PRELID2: variants seen among roughly 807,000 people sequenced by gnomAD.
PRELID2 encodes PRELI domain containing 2.
Under a neutral mutation model 28.4 loss-of-function variants are expected in PRELID2, and 25 were observed. The observed-to-expected ratio is 0.88, with a 90% CI of 0.64 to 1.23. The LOEUF (loss-of-function observed/expected upper bound fraction) is 1.23, where lower values mean the gene tolerates loss of function less well. Ranked by LOEUF, PRELID2 falls within the 50% of genes most tolerant of loss-of-function variation. The pLI is 0.00. For missense variants in PRELID2, 201 were observed against 214.4 expected (o/e 0.94, Z 0.39); for synonymous variants, 76 against 71.6 (o/e 1.06, Z -0.31).
the PRELID2 span, among the ~76,000 whole-genome samples, chr5:145,424,481 T>A: frequency 2.6e-5 from 4 of 152,184 alleles, no homozygotes; most frequent in African/African-American, 7.2e-5. Context: ...AGTATTCGGG[T>A]GGGAGTGACC....
At chr5:145,820,320 A>G (rs1042820451) in intron 2 of PRELID2, among the ~76,000 whole-genome samples, 5 of 152,138 alleles carry the variant, frequency 3.3e-5, no homozygotes, top group Non-Finnish European at 5.9e-5. Flanking sequence ...GACACTTTTC[A>G]GGGCCGAATC....
At chr5:145,567,667 C>T (rs1752979544) in intron 1 of PRELID2, among the ~76,000 whole-genome samples, 1 of 152,092 alleles carries the variant, frequency 6.6e-6, no homozygotes, top group South Asian at 2.1e-4. Context: ...TGTGAGCCAC[C>T]AAGCCCAGCT....
the PRELID2 span, among the ~76,000 whole-genome samples, chr5:145,460,225 C>T: frequency 6.6e-6 from 1 of 152,302 alleles, no homozygotes; most frequent in East Asian, 1.9e-4. Flanking sequence ...CCTGGCCATA[C>T]GTTTCAGGTT....
intron 5 of PRELID2, among the ~76,000 whole-genome samples, chr5:145,776,851 GTAT>G (rs1758440827): frequency 1.3e-5 from 2 of 152,192 alleles, no homozygotes; most frequent in Non-Finnish European, 2.9e-5. Context: ...ATCCCTGCAT[GTAT>G]TATTATCTCC....
At chr5:145,452,127 T>A in the PRELID2 span, among the ~76,000 whole-genome samples, 14 of 152,180 alleles carry the variant, frequency 9.2e-5, no homozygotes, top group Non-Finnish European at 2.9e-5. Flanking sequence ...TTCTATGTGG[T>A]CTCCTGACTC....
the PRELID2 span, among the ~76,000 whole-genome samples, chr5:145,247,231 A>T: frequency 6.6e-6 from 1 of 151,860 alleles, no homozygotes; most frequent in East Asian, 1.9e-4. Flanking sequence ...ACCAATCATC[A>T]CTCCTCAATT....
chr5:145,385,508 T>G, the PRELID2 span, among the ~76,000 whole-genome samples: 1 of 151,846 alleles, frequency 6.6e-6, no homozygotes, highest in Non-Finnish European at 1.5e-5. Context: ...AACTGACCAC[T>G]CTGTCTGATA....
chr5:145,229,282 G>T, the PRELID2 span: 1 of 753,398 alleles, frequency 1.3e-6, no homozygotes. Context: ...ACTGGTTCAA[G>T]GGCCGCAGTG....
intron 1 of PRELID2, among the ~76,000 whole-genome samples, chr5:145,575,180 G>A (rs749214953): frequency 3.3e-5 from 5 of 152,070 alleles, no homozygotes; most frequent in Non-Finnish European, 5.9e-5. Flanking sequence ...TTCCAGAATC[G>A]GGGTTTGTCT....
At chr5:145,634,697 T>C (rs1753977275) in intron 1 of PRELID2, among the ~76,000 whole-genome samples, 1 of 152,158 alleles carries the variant, frequency 6.6e-6, no homozygotes, top group Non-Finnish European at 1.5e-5. Flanking sequence ...GAATCACTTA[T>C]GTAATAGTCT....
intron 1 of PRELID2, among the ~76,000 whole-genome samples, chr5:145,511,569 T>C (rs781186522): frequency 2.6e-5 from 4 of 152,318 alleles, no homozygotes; most frequent in Non-Finnish European, 4.4e-5. Context: ...TAGGCAGCTA[T>C]GGCCATTCAT....
At chr5:145,269,566 C>T in the PRELID2 span, among the ~76,000 whole-genome samples, 1 of 151,668 alleles carries the variant, frequency 6.6e-6, no homozygotes. Flanking sequence ...AACCTTTGTG[C>T]CCTTGAGGTG....
the PRELID2 span, among the ~76,000 whole-genome samples, chr5:145,325,710 C>A: frequency 6.6e-6 from 1 of 152,152 alleles, no homozygotes; most frequent in Non-Finnish European, 1.5e-5. Context: ...TATTCCCTTT[C>A]ATTTACCTGG....
chr5:145,758,994 A>ATTTTTTTTTTTT lies in PRELID2; in HGVS notation c.*1530_*1541dup, dbSNP rs70998036. ...CCAAGACTCTCCAGTAACGGCCTGAATTTTTTTTTTTTTTTTTTTTTTTTG... is the reference window on the plus strand; with the variant it reads ...CCAAGACTCTCCAGTAACGGCCTGAATTTTTTTTTTTTTTTTTTTTTTTTTTTTTTTTTTTTG... On this transcript the variant is annotated 3_prime_UTR_variant, in exon 7 of 7. Coordinates refer to ENST00000683046, the MANE Select transcript of PRELID2 (RefSeq NM_205846.3). 7.7e-5 allele frequency: 7 copies of ATTTTTTTTTTTT among 90,590 alleles called. No individual in the cohort carries two copies. The highest frequency in any genetic ancestry group is 3.6e-4 in the East Asian group (1 of 2,754). The allele number at this position is 90,590 out of a possible 1,614,324, so 5.6% of individuals were successfully genotyped here. A position where few individuals can be genotyped will look rare whatever the true frequency, so the allele number is the denominator to read the frequency against.
At chr5:145,609,706 G>A (rs1753584074) in intron 1 of PRELID2, among the ~76,000 whole-genome samples, 1 of 152,256 alleles carries the variant, frequency 6.6e-6, no homozygotes, top group African/African-American at 2.4e-5. Context: ...AGAACAGGAG[G>A]CTGTGCCCAC....
At chr5:145,633,050 C>G (rs1369100235) in intron 1 of PRELID2, among the ~76,000 whole-genome samples, 1 of 152,154 alleles carries the variant, frequency 6.6e-6, no homozygotes, top group Non-Finnish European at 1.5e-5. Flanking sequence ...AGACCTCAGT[C>G]CTACAGCTGA....
At chr5:145,717,244 G>A (rs931635491) in intron 1 of PRELID2, among the ~76,000 whole-genome samples, 1 of 152,038 alleles carries the variant, frequency 6.6e-6, no homozygotes, top group South Asian at 2.1e-4. Context: ...TAGATTAATG[G>A]TTGACAGAGG....
At chr5:145,770,922 T>C (rs188345928) in intron 5 of PRELID2, among the ~76,000 whole-genome samples, 1 of 152,242 alleles carries the variant, frequency 6.6e-6, no homozygotes, top group East Asian at 1.9e-4. Flanking sequence ...CTAAGGTTAT[T>C]TTGTTATTGA....
the PRELID2 span, chr5:145,429,802 A>C: frequency 1.3e-5 from 2 of 152,190 alleles, no homozygotes; most frequent in Admixed American, 6.5e-5. Context: ...TGCAAGTCAC[A>C]ATGTGCTCAT....
Sources: gnomAD v4.1 joint callset for allele counts (sites outside exome capture counted in the v4.1 genomes callset) on GRCh38, gnomAD v4.1.1 for gene constraint, MANE v1.5 for transcripts, NCBI Gene and HGNC (gene_info 2026-07-23, HGNC 2026-07-21) for gene names.